Variants in GRIA1 observed in about 807,000 individuals in gnomAD.
GRIA1 encodes the protein glutamate ionotropic receptor AMPA type subunit 1.
Under a neutral mutation model 99.2 loss-of-function variants are expected in GRIA1, and 31 were observed. The ratio of observed to expected loss-of-function variants is 0.31; its 90% CI spans 0.23 to 0.42. GRIA1 has a LOEUF of 0.42. GRIA1 is among the 10% of genes least tolerant of loss of function. GRIA1 has a pLI of 1.00. For synonymous variants in GRIA1, 438 were observed against 432.4 expected (o/e 1.01, Z -0.16); for missense variants, 782 against 1,157.5 (o/e 0.68, Z 4.71).
chr5:153,785,367 C>G (rs535741461), intron 13 of GRIA1, among the ~76,000 whole-genome samples: 14 of 152,178 alleles, frequency 9.2e-5, no homozygotes, highest in African/African-American at 2.9e-4. Context: ...AGGCCCTTCC[C>G]CTAGAATCCT....
Position 153,647,060 on chromosome 5 carries a change from C to T in GRIA1, c.353C>T (p.Ser118Phe). 1 of 1,613,962 alleles carries T rather than the reference C, an allele frequency of 6.2e-7. No individual in the cohort carries two copies. The highest frequency in any genetic ancestry group is 1.7e-4 in the Middle Eastern group (1 of 6,060). ...FITPSFPVDTSNQFVLQLRPE... is the reference protein window; with the variant it reads ...FITPSFPVDTFNQFVLQLRPE... The stretch of plus-strand genomic sequence containing the variant: ...ACGCCGAGCTTTCCCGTTGATACAT[C>T]CAATCAGTTTGTCCTTCAGCTGCGC... Residue 118 changes from serine to phenylalanine, a missense_variant, in exon 3 of 16, where the codon TCC becomes TTC. Physicochemically the swap from Ser to Phe is radical, Grantham distance 155. This residue lies in a region of GRIA1 where 461 missense variants were observed against 521.7 expected (regional missense o/e 0.88). Coordinates refer to ENST00000285900, the MANE Select transcript of GRIA1 (RefSeq NM_000827.4).
At chr5:153,767,160 A>T (rs148941069) in intron 12 of GRIA1, among the ~76,000 whole-genome samples, 1 of 152,346 alleles carries the variant, frequency 6.6e-6, no homozygotes, top group East Asian at 1.9e-4. Flanking sequence ...AAAAAAAGGC[A>T]TAATTATTAG....
chr5:153,736,252 T>A lies in GRIA1; in HGVS notation c.1824-28182T>A, dbSNP rs148384871. Among the ~76,000 whole-genome samples the A allele has an allele frequency of 1.1e-4, 17 of 152,306 alleles. No homozygotes were observed. The East Asian group carries it at 3.1e-3, about 28-fold the overall frequency. On this transcript the variant is annotated intron_variant, in intron 11 of 15. Transcript: ENST00000285900. Reference sequence around the variant, plus strand: ...TCAAAAACGATGCCATAAATACCTATCACCATTAAAGGAGTTACGTAATTC... The same window carrying A: ...TCAAAAACGATGCCATAAATACCTAACACCATTAAAGGAGTTACGTAATTC...
chr5:153,781,853 A>C (rs1764654647), intron 13 of GRIA1, among the ~76,000 whole-genome samples: 1 of 152,190 alleles, frequency 6.6e-6, no homozygotes, highest in Non-Finnish European at 1.5e-5. Context: ...AGTACTCTTA[A>C]GGGAAACAAG....
intron 2 of GRIA1, among the ~76,000 whole-genome samples, chr5:153,525,834 G>C (rs1485666878): frequency 6.6e-6 from 1 of 152,116 alleles, no homozygotes; most frequent in African/African-American, 2.4e-5. Context: ...CCCTGGCTTG[G>C]TTGGAACACA....
chr5:153,595,630 T>C (rs936819500), intron 2 of GRIA1, among the ~76,000 whole-genome samples: 4 of 151,754 alleles, frequency 2.6e-5, no homozygotes, highest in Non-Finnish European at 5.9e-5. Context: ...ATATCTATTT[T>C]ATACTTTGGG....
At chr5:153,775,238 A>G (rs1764145255) in intron 13 of GRIA1, among the ~76,000 whole-genome samples, 1 of 152,238 alleles carries the variant, frequency 6.6e-6, no homozygotes, top group South Asian at 2.1e-4. Flanking sequence ...CCCACGTTTT[A>G]TCAACCTAAG....
At chr5:153,637,935 G>A (rs1753498064) in intron 2 of GRIA1, among the ~76,000 whole-genome samples, 1 of 152,200 alleles carries the variant, frequency 6.6e-6, no homozygotes, top group South Asian at 2.1e-4. Flanking sequence ...AGGATTTGGA[G>A]AGCCTCTTCC....
chr5:153,674,613 G>T lies in GRIA1; in HGVS notation c.813G>T (p.Lys271Asn). The change falls in exon 6 of 16, where the codon AAG becomes AAT. Residue 271 changes from lysine (K) to asparagine (N), a missense_variant. Transcript: ENST00000285900. ...TIPAKIMQQW[K>N]NSDARDHTRV... ...CGGCCAAGATCATGCAGCAGTGGAA[G>T]AATAGTGATGCTCGAGACCACACAC... The T allele has an allele frequency of 6.2e-7, 1 of 1,614,110 alleles. No homozygotes were observed. Among genetic ancestry groups the T allele is most frequent in the South Asian group, 1.1e-5 (1 of 91,082 alleles).
At chr5:153,770,071 G>T in intron 12 of GRIA1, 97 bp from the exon 13 acceptor site, 2 of 1,226,080 alleles carry the variant, frequency 1.6e-6, no homozygotes, top group South Asian at 1.4e-5. Flanking sequence ...TCTCGCTCAT[G>T]AATGTGTGAT....
At chr5:153,592,861 C>T (rs1157300409) in intron 2 of GRIA1, among the ~76,000 whole-genome samples, 1 of 152,198 alleles carries the variant, frequency 6.6e-6, no homozygotes, top group African/African-American at 2.4e-5. Flanking sequence ...TACAGATGGC[C>T]ACCTTCTTGC....
In GRIA1 at chr5:153,545,214, C is replaced by T. The variant is rs149741517; in HGVS notation, c.220+51149C>T. 4.1e-3 allele frequency among the ~76,000 whole-genome samples: 620 copies of T among 152,114 alleles called. 5 individuals carry two copies. Among genetic ancestry groups the T allele is most frequent in the African/African-American group, 0.014 (599 of 41,486 alleles). On this transcript the variant is annotated intron_variant, in intron 2 of 15. Coordinates refer to ENST00000285900, the MANE Select transcript of GRIA1 (RefSeq NM_000827.4). The stretch of plus-strand genomic sequence containing the variant: ...AGATGGATCAAGGGTCCAGGCTCAT[C>T]GGAGACACTGAAAAAGTTGAAAGGT...
rs184116531 is a variant in GRIA1, at chr5:153,583,515, A to G, written c.221-63413A>G. 3.5e-3 allele frequency among the ~76,000 whole-genome samples: 539 copies of G among 152,274 alleles called. 2 individuals carry two copies. The highest frequency in any genetic ancestry group is 5.1e-3 in the Non-Finnish European group (348 of 68,014). ...CTTTAATTTCCTCCTCTGTCACCAC[A>G]TGGCTCTTTCCCCTCGTGTGTCTGT... On this transcript the variant is annotated intron_variant, in intron 2 of 15. Transcript: ENST00000285900.
intron 15 of GRIA1, among the ~76,000 whole-genome samples, chr5:153,804,732 A>AATTT (rs201693712): frequency 0.037 from 2,792 of 76,010 alleles, 28 homozygotes; most frequent in African/African-American, 0.045. Flanking sequence ...TTAATTAATT[A>AATTT]ATTTATTTAT....
chr5:153,627,351 C>T (rs772065753), intron 2 of GRIA1, among the ~76,000 whole-genome samples: 19 of 152,128 alleles, frequency 1.2e-4, no homozygotes, highest in Non-Finnish European at 2.1e-4. Context: ...GCCCAAGGGA[C>T]GAAGCACCGT....
intron 2 of GRIA1, among the ~76,000 whole-genome samples, chr5:153,517,847 G>C (rs10060095): frequency 0.15 from 22,407 of 152,126 alleles, 2,141 homozygotes; most frequent in African/African-American, 0.27. Context: ...CTTTTTAAAC[G>C]TATTGAGCTG....
At chr5:153,770,018 T>C in intron 12 of GRIA1, 150 bp from the exon 13 acceptor site, 1 of 748,098 alleles carries the variant, frequency 1.3e-6, no homozygotes, top group East Asian at 2.5e-5. Flanking sequence ...AATTAGAGCC[T>C]CTTATTTTGC....
rs1766944626 is a variant in GRIA1 at position 153,813,230 on chromosome 5, C to G, written c.*2005C>G. 6.6e-6 allele frequency: 1 copy of G among 152,250 alleles called. No individual in the cohort carries two copies. Among genetic ancestry groups the G allele is most frequent in the African/African-American group, 2.4e-5 (1 of 41,452 alleles). The allele number at this position is 152,250 out of a possible 1,614,324, so 9.4% of individuals were successfully genotyped here. A position where few individuals can be genotyped will look rare whatever the true frequency, so the allele number is the denominator to read the frequency against. Reference sequence around the variant, plus strand: ...ACTACTGCCAGCTGATGTCTCTCAGCCCCTGCCCTCATACAAGATTTTTCT... The same window carrying G: ...ACTACTGCCAGCTGATGTCTCTCAGGCCCTGCCCTCATACAAGATTTTTCT... On this transcript the variant is annotated 3_prime_UTR_variant, in exon 16 of 16. Transcript: ENST00000285900.
intron 2 of GRIA1, among the ~76,000 whole-genome samples, chr5:153,587,129 A>G (rs1763558736): frequency 6.6e-6 from 1 of 152,160 alleles, no homozygotes; most frequent in African/African-American, 2.4e-5. Context: ...GTAATCCCCA[A>G]TGCTGAAGGT....
Sources: allele counts gnomAD v4.1 joint callset (sites outside exome capture counted in the v4.1 genomes callset), GRCh38; gene constraint gnomAD v4.1.1; regional missense constraint gnomAD v4.1.1; transcripts MANE v1.5; gene names NCBI Gene and HGNC (gene_info 2026-07-23, HGNC 2026-07-21).